LRCH1: variants seen among roughly 807,000 people sequenced by gnomAD.
LRCH1 encodes the protein leucine-rich repeat and calponin homology domain-containing protein 1.
In LRCH1, 23 loss-of-function variants were observed where a neutral mutation model predicts 94.9. The observed-to-expected ratio is 0.24, with a 90% CI of 0.17 to 0.34. LRCH1 has a LOEUF of 0.34. Among genes scored for constraint, LRCH1 ranks in the 10% least tolerant of loss-of-function variants. The probability of loss-of-function intolerance (pLI) is 1.00; values close to 1 mark genes in which losing one functional copy is unlikely to be tolerated. For synonymous variants in LRCH1, 364 were observed against 354.9 expected, an observed-to-expected ratio of 1.03 and a Z score of -0.29; for missense variants, 790 against 945.9, an observed-to-expected ratio of 0.84 and a Z score of 2.16.
At chr13:46,557,188 G>C (rs1251740208) in intron 1 of LRCH1, among the ~76,000 whole-genome samples, 1 of 150,722 alleles carries the variant, frequency 6.6e-6, no homozygotes, top group Non-Finnish European at 1.5e-5. Context: ...TTTTGGTGCT[G>C]ATTTATTAAG....
intron 16 of LRCH1, among the ~76,000 whole-genome samples, chr13:46,718,814 G>T (rs1315973016): frequency 1.3e-5 from 2 of 152,176 alleles, no homozygotes; most frequent in African/African-American, 4.8e-5. Context: ...AACTTCCAAG[G>T]AGAAGTTGAG....
Position 46,742,542 on chromosome 13 carries a change from A to G in LRCH1, c.*694A>G. 2 of 985,524 alleles carry G rather than the reference A, an allele frequency of 2.0e-6. No homozygotes were observed. Among genetic ancestry groups the G allele is most frequent in the Middle Eastern group, 5.2e-4 (1 of 1,914 alleles). 61.0% of individuals were successfully genotyped at this position (985,524 alleles called of 1,614,324 possible). On this transcript the variant is annotated 3_prime_UTR_variant, in exon 20 of 20. Transcript: ENST00000389797. ...ATGCAGAAGGGCGCTCAAGGGAAGG[A>G]AGTGTCGTTGCTGTTAGAGCCTCAC...
intron 1 of LRCH1, among the ~76,000 whole-genome samples, chr13:46,613,664 CTGATTTAATTGG>C (rs1225153785): frequency 6.6e-6 from 1 of 152,180 alleles, no homozygotes; most frequent in Non-Finnish European, 1.5e-5. Context: ...CACAGAGATT[CTGATTTAATTGG>C]TGTGTTGCAG....
chr13:46,657,840 T>C (rs1381500164), intron 2 of LRCH1, among the ~76,000 whole-genome samples: 1 of 151,554 alleles, frequency 6.6e-6, no homozygotes, highest in African/African-American at 2.4e-5. Context: ...CCACTACTTC[T>C]TAATAGCTAA....
At position 46,692,920 on chromosome 13, in the gene LRCH1, C is replaced by T. The variant is rs546640246; in HGVS notation, c.1120+279C>T. Among the ~76,000 whole-genome samples the T allele has an allele frequency of 1.5e-4, 22 of 151,380 alleles. No homozygotes were observed. The East Asian group carries it at 3.5e-3, about 24-fold the overall frequency. ...GATGTGTGTGTAGTACTACTTCCTA[C>T]GGTACATAGTAGAACTAATCTCATT... On this transcript the variant is annotated intron_variant, in intron 8 of 19. Coordinates refer to ENST00000389797, the MANE Select transcript of LRCH1 (RefSeq NM_001164211.2).
At chr13:46,574,016 T>C (rs1400509394) in intron 1 of LRCH1, among the ~76,000 whole-genome samples, 1 of 151,134 alleles carries the variant, frequency 6.6e-6, no homozygotes, top group Admixed American at 6.6e-5. Context: ...CGGCTAATTT[T>C]TGTATTTTTA....
Position 46,601,920 on chromosome 13 carries a change from G to T in LRCH1, c.307+48217G>T, listed in dbSNP as rs540936402. ...GCTTTCTCTTTATTAGGAGAAAAGA[G>T]CTTGTTTAATAAACCTAAGAATTAA... On this transcript the variant is annotated intron_variant, in intron 1 of 19. Transcript: ENST00000389797. 2.0e-5 allele frequency among the ~76,000 whole-genome samples: 3 copies of T among 152,326 alleles called. No homozygotes were observed. In the South Asian group the frequency reaches 6.2e-4, roughly 32 times the overall value.
intron 1 of LRCH1, among the ~76,000 whole-genome samples, chr13:46,625,703 G>C (rs949380976): frequency 1.3e-5 from 2 of 149,872 alleles, no homozygotes; most frequent in Admixed American, 1.3e-4. Context: ...GCCTGGGCTG[G>C]AGCAAAGTGG....
chr13:46,728,724 C>A, intron 17 of LRCH1, 123 bp from the exon 18 acceptor site: 2 of 893,108 alleles, frequency 2.2e-6, no homozygotes, highest in Non-Finnish European at 3.2e-6. Context: ...GTTTTCTAGG[C>A]ATTGTTATCC....
At chr13:46,565,210 T>C (rs1027187170) in intron 1 of LRCH1, among the ~76,000 whole-genome samples, 6 of 152,222 alleles carry the variant, frequency 3.9e-5, no homozygotes, top group South Asian at 4.1e-4. Flanking sequence ...GAGTCAGTGT[T>C]ATAAGGCACA....
At chr13:46,596,206 A>G (rs893427954) in intron 1 of LRCH1, among the ~76,000 whole-genome samples, 5 of 152,232 alleles carry the variant, frequency 3.3e-5, no homozygotes, top group East Asian at 1.9e-4. Context: ...TATCTCTTCT[A>G]ATAGATAAAG....
chr13:46,585,119 T>G (rs1261992182), intron 1 of LRCH1, among the ~76,000 whole-genome samples: 1 of 152,232 alleles, frequency 6.6e-6, no homozygotes, highest in Non-Finnish European at 1.5e-5. Flanking sequence ...TTTCCAGCTT[T>G]GAAAATGAAC....
intron 1 of LRCH1, among the ~76,000 whole-genome samples, chr13:46,584,349 T>C (rs1392584863): frequency 6.6e-6 from 1 of 152,208 alleles, no homozygotes; most frequent in African/African-American, 2.4e-5. Flanking sequence ...CGGCATCACC[T>C]AGGAGCTGGT....
Position 46,708,276 on chromosome 13 carries a change from C to CTTTT in LRCH1, c.1527+2987_1527+2990dup, listed in dbSNP as rs10635302. Among the ~76,000 whole-genome samples the CTTTT allele has an allele frequency of 1.6e-4, 21 of 130,496 alleles. 1 individual carries two copies. Among genetic ancestry groups the CTTTT allele is most frequent in the South Asian group, 4.9e-4 (2 of 4,086 alleles). The allele number at this position is 130,496 out of a possible 152,430, so 85.6% of individuals were successfully genotyped here. A position where few individuals can be genotyped will look rare whatever the true frequency, so the allele number is the denominator to read the frequency against. Reference sequence around the variant, plus strand: ...TGTCTAGGTCTAGTTTTCATCCCATCTTTTTTTTTTTTTTTTTTGAGGCAG... The same window carrying CTTTT: ...TGTCTAGGTCTAGTTTTCATCCCATCTTTTTTTTTTTTTTTTTTTTTTGAGGCAG... On this transcript the variant is annotated intron_variant, in intron 13 of 19. Transcript: ENST00000389797.
intron 2 of LRCH1, among the ~76,000 whole-genome samples, chr13:46,665,384 A>G (rs2051501457): frequency 6.6e-6 from 1 of 152,210 alleles, no homozygotes; most frequent in South Asian, 2.1e-4. Context: ...TCCTTAATTT[A>G]GGAGTTAAGT....
intron 5 of LRCH1, among the ~76,000 whole-genome samples, chr13:46,686,952 A>ATTTTTTTTTTTTTTT (rs71077916): frequency 3.5e-5 from 3 of 85,436 alleles, no homozygotes; most frequent in African/African-American, 4.7e-5. Context: ...GAGTATATTG[A>ATTTTTTTTTTTTTTT]TTTTTTTTTT....
chr13:46,692,398 A>G (rs945517872), intron 7 of LRCH1, 138 bp from the exon 8 acceptor site: 9 of 609,418 alleles, frequency 1.5e-5, no homozygotes, highest in Non-Finnish European at 2.3e-5. Flanking sequence ...CATAAGTGGA[A>G]TTGACCTTTG....
intron 1 of LRCH1, among the ~76,000 whole-genome samples, chr13:46,635,693 G>A (rs1010324784): frequency 1.1e-4 from 17 of 151,768 alleles, no homozygotes; most frequent in Non-Finnish European, 1.5e-4. Context: ...GGATGGTCTC[G>A]ATCTCCTGAC....
At chr13:46,698,307 A>G (rs774627363) in intron 9 of LRCH1, among the ~76,000 whole-genome samples, 41 of 152,304 alleles carry the variant, frequency 2.7e-4, no homozygotes, top group Non-Finnish European at 4.4e-4. Flanking sequence ...GGCCCTATTC[A>G]GGCTGGCTTT....
Sources: allele counts gnomAD v4.1 joint callset (sites outside exome capture counted in the v4.1 genomes callset), GRCh38; gene constraint gnomAD v4.1.1; transcripts MANE v1.5; gene names NCBI Gene and HGNC (gene_info 2026-07-23, HGNC 2026-07-21).